Variants in RABGAP1L observed in about 807,000 individuals in gnomAD.
RABGAP1L encodes the protein rab GTPase-activating protein 1-like.
RABGAP1L carries 63 observed loss-of-function variants against 137.7 expected under a neutral mutation model. That is an observed-to-expected ratio of 0.46 (90% CI 0.37 to 0.56). RABGAP1L has a LOEUF of 0.56. RABGAP1L is among the 20% of genes least tolerant of loss of function. RABGAP1L has a pLI of 0.00. For synonymous variants in RABGAP1L, 431 were observed against 433.7 expected (o/e 0.99, Z 0.08); for missense variants, 1,095 against 1,244.0 (o/e 0.88, Z 1.80).
intron 13 of RABGAP1L, among the ~76,000 whole-genome samples, chr1:174,619,353 G>T (rs563356019): frequency 2.6e-5 from 4 of 152,092 alleles, no homozygotes; most frequent in Non-Finnish European, 4.4e-5. Flanking sequence ...TCACCACAGT[G>T]GAAATGAAGG....
chr1:174,968,353 C>T (rs746266910), intron 20 of RABGAP1L, among the ~76,000 whole-genome samples: 11 of 152,142 alleles, frequency 7.2e-5, no homozygotes, highest in Non-Finnish European at 1.5e-4. Flanking sequence ...TTTGAATCTC[C>T]TATAACTGTT....
At chr1:174,718,332 T>G (rs1158410616) in intron 17 of RABGAP1L, among the ~76,000 whole-genome samples, 1 of 152,162 alleles carries the variant, frequency 6.6e-6, no homozygotes, top group Non-Finnish European at 1.5e-5. Flanking sequence ...CAAACAGACA[T>G]TCTCCTCTGC....
intron 14 of RABGAP1L, among the ~76,000 whole-genome samples, chr1:174,638,682 T>C (rs1444804332): frequency 1.4e-5 from 2 of 143,094 alleles, no homozygotes; most frequent in Non-Finnish European, 3.0e-5. Flanking sequence ...GTGGCACATA[T>C]ACACCATGGA....
chr1:174,521,091 T>C (rs367997678), intron 13 of RABGAP1L, among the ~76,000 whole-genome samples: 6 of 152,224 alleles, frequency 3.9e-5, no homozygotes, highest in African/African-American at 1.2e-4. Context: ...ATCTGAAATA[T>C]AGCAGTGAGT....
chr1:174,712,780 C>T (rs1002832876), intron 17 of RABGAP1L, among the ~76,000 whole-genome samples: 3 of 152,166 alleles, frequency 2.0e-5, no homozygotes, highest in African/African-American at 7.2e-5. Context: ...TATTGACTTA[C>T]TTACTTACTC....
chr1:174,700,996 G>C, intron 16 of RABGAP1L: 1 of 1,205,038 alleles, frequency 8.3e-7, no homozygotes, highest in South Asian at 1.4e-5. Context: ...TGAGCATTTG[G>C]ACGTTCCATT....
rs148793567 is a variant in RABGAP1L, at chr1:174,837,884, T to A, written c.2340+25924T>A. 3.3e-5 allele frequency among the ~76,000 whole-genome samples: 5 copies of A among 152,318 alleles called. No homozygotes were observed. The East Asian group carries it at 9.6e-4, about 29-fold the overall frequency. The stretch of plus-strand genomic sequence containing the variant: ...TGTCAAAAGTGAAATAAAAAAATCT[T>A]TTGTCTGTGTGGTCTTAGGTGGCAG... On this transcript the variant is annotated intron_variant, in intron 19 of 25. Transcript: ENST00000681986.
intron 13 of RABGAP1L, among the ~76,000 whole-genome samples, chr1:174,488,164 T>G (rs1659856402): frequency 6.6e-6 from 1 of 152,170 alleles, no homozygotes; most frequent in African/African-American, 2.4e-5. Context: ...CTCATTAATG[T>G]CCTTTTCTTT....
intron 12 of RABGAP1L, among the ~76,000 whole-genome samples, chr1:174,378,254 A>G (rs1425895623): frequency 3.3e-5 from 5 of 151,556 alleles, no homozygotes; most frequent in Non-Finnish European, 5.9e-5. Context: ...ATACGTGTGT[A>G]TGTGTCTTTA....
chr1:174,441,448 C>T (rs1473754301), intron 13 of RABGAP1L, among the ~76,000 whole-genome samples: 1 of 152,064 alleles, frequency 6.6e-6, no homozygotes. Flanking sequence ...GAAGCTAGCA[C>T]AGTCAGCCAG....
chr1:174,636,236 A>G (rs1400636747), intron 13 of RABGAP1L, among the ~76,000 whole-genome samples: 1 of 152,188 alleles, frequency 6.6e-6, no homozygotes, highest in African/African-American at 2.4e-5. Context: ...GCTTATCTTT[A>G]AAGAAGATAT....
chr1:174,467,756 G>C (rs1456236607), intron 13 of RABGAP1L, among the ~76,000 whole-genome samples: 4 of 152,056 alleles, frequency 2.6e-5, no homozygotes, highest in Non-Finnish European at 5.9e-5. Flanking sequence ...AGCTTTGTCT[G>C]ACACCAAAAC....
intron 13 of RABGAP1L, among the ~76,000 whole-genome samples, chr1:174,496,179 T>C (rs1478634759): frequency 6.6e-6 from 1 of 152,238 alleles, no homozygotes; most frequent in Non-Finnish European, 1.5e-5. Context: ...ATAATTCCAC[T>C]ATACTCTATG....
At chr1:174,943,046 T>C (rs1281973880) in intron 19 of RABGAP1L, among the ~76,000 whole-genome samples, 2 of 152,208 alleles carry the variant, frequency 1.3e-5, no homozygotes, top group African/African-American at 2.4e-5. Context: ...CTCTGTGAGG[T>C]TGGTCCCTGG....
intron 13 of RABGAP1L, among the ~76,000 whole-genome samples, chr1:174,432,015 A>C (rs1652691409): frequency 6.6e-6 from 1 of 152,186 alleles, no homozygotes; most frequent in African/African-American, 2.4e-5. Context: ...TTGTCACATC[A>C]GAATATTGCA....
intron 11 of RABGAP1L, among the ~76,000 whole-genome samples, chr1:174,321,387 A>G (rs1250587264): frequency 6.6e-6 from 1 of 150,942 alleles, no homozygotes; most frequent in Non-Finnish European, 1.5e-5. Context: ...CTATTCGTAC[A>G]CTCCCTCCCC....
chr1:174,684,640 G>T (rs1051787971), intron 15 of RABGAP1L, among the ~76,000 whole-genome samples: 4 of 152,106 alleles, frequency 2.6e-5, no homozygotes, highest in Non-Finnish European at 5.9e-5. Context: ...TGTGTAAAGG[G>T]CAGAATTAAA....
chr1:174,511,377 A>T (rs1328588779), intron 13 of RABGAP1L, among the ~76,000 whole-genome samples: 3 of 152,174 alleles, frequency 2.0e-5, no homozygotes, highest in Admixed American at 6.5e-5. Flanking sequence ...GCTCATAGGT[A>T]TTGCTGAATG....
intron 19 of RABGAP1L, among the ~76,000 whole-genome samples, chr1:174,866,176 C>A (rs1651211736): frequency 7.9e-6 from 1 of 126,152 alleles, no homozygotes; most frequent in African/African-American, 3.1e-5. Flanking sequence ...GCCAGCCTGC[C>A]AATATTCAAA....
Sources: gnomAD v4.1 joint callset for allele counts (sites outside exome capture counted in the v4.1 genomes callset) on GRCh38, gnomAD v4.1.1 for gene constraint, MANE v1.5 for transcripts, NCBI Gene and HGNC (gene_info 2026-07-23, HGNC 2026-07-21) for gene names.